The following PCYT1B variants were observed in gnomAD, a reference collection of about 807,000 sequenced individuals.
The protein encoded by PCYT1B is choline-phosphate cytidylyltransferase B.
In PCYT1B, 10 loss-of-function variants were observed where a neutral mutation model predicts 26.4. That is an observed-to-expected ratio of 0.38 (90% CI 0.23 to 0.64). The LOEUF is 0.64. PCYT1B is among the 30% of genes least tolerant of loss of function. The pLI is 0.56. For missense variants in PCYT1B, 161 were observed against 292.7 expected (o/e 0.55, Z 3.28); for synonymous variants, 131 against 108.4 (o/e 1.21, Z -1.29).
chrX:24,596,722 T>TA (rs1465454997), intron 3 of PCYT1B, among the ~76,000 whole-genome samples: 2 of 111,272 alleles, frequency 1.8e-5, no homozygotes, highest in Non-Finnish European at 3.8e-5. Context: ...GGTCCTTTAA[T>TA]AAATGATTTC....
intron 5 of PCYT1B, among the ~76,000 whole-genome samples, chrX:24,584,996 G>T (rs1421173537): frequency 1.8e-5 from 2 of 111,993 alleles, no homozygotes; most frequent in African/African-American, 6.5e-5. Flanking sequence ...TAGACTCAGG[G>T]TACAGAATGT....
At chrX:24,625,766 G>C (rs1337692746) in intron 1 of PCYT1B, among the ~76,000 whole-genome samples, 1 of 99,244 alleles carries the variant, frequency 1.0e-5, no homozygotes, top group African/African-American at 3.7e-5. Flanking sequence ...ATAGTAAAAA[G>C]AGAGAGAAGG....
intron 1 of PCYT1B, among the ~76,000 whole-genome samples, chrX:24,622,754 G>A (rs1287740095): frequency 8.9e-6 from 1 of 112,178 alleles, no homozygotes; most frequent in African/African-American, 3.2e-5. Flanking sequence ...AACAGCAGTG[G>A]TAGATCCCTC....
intron 1 of PCYT1B, among the ~76,000 whole-genome samples, chrX:24,667,217 A>G (rs1032248506): frequency 4.5e-5 from 5 of 110,859 alleles, no homozygotes; most frequent in African/African-American, 1.6e-4. Flanking sequence ...CTATCAGCAG[A>G]GCAGCCTATG....
At chrX:24,579,612 A>G (rs1464662116) in intron 5 of PCYT1B, among the ~76,000 whole-genome samples, 154 bp from the exon 6 acceptor site, 2 of 110,846 alleles carry the variant, frequency 1.8e-5, no homozygotes, top group African/African-American at 6.6e-5. Context: ...TTCCACCCTC[A>G]GTTCCGTGGA....
chrX:24,671,463 G>A (rs1403188787), intron 1 of PCYT1B, among the ~76,000 whole-genome samples: 3 of 111,162 alleles, frequency 2.7e-5, no homozygotes, highest in Non-Finnish European at 5.6e-5. Flanking sequence ...ATAACATGGA[G>A]GTGACTGGGG....
chrX:24,664,830 C>T (rs758691735), intron 1 of PCYT1B, among the ~76,000 whole-genome samples: 15 of 111,641 alleles, frequency 1.3e-4, no homozygotes, highest in East Asian at 2.8e-4. Context: ...TGGTGGCGCA[C>T]GCCTGTGGTC....
At chrX:24,581,651 G>A (rs1924210212) in intron 5 of PCYT1B, among the ~76,000 whole-genome samples, 1 of 112,296 alleles carries the variant, frequency 8.9e-6, no homozygotes, top group Admixed American at 9.4e-5. Flanking sequence ...CTGTCTTGTT[G>A]ACTATAAGCT....
At chrX:24,564,988 G>A (rs1923574515) in intron 7 of PCYT1B, among the ~76,000 whole-genome samples, 1 of 110,102 alleles carries the variant, frequency 9.1e-6, no homozygotes, top group African/African-American at 3.3e-5. Context: ...CCCAGTTTGG[G>A]GAAGACTGTG....
chrX:24,621,888 T>A lies in PCYT1B; in HGVS notation c.118-2804A>T, dbSNP rs959385868. 3 of 687,289 alleles carry A rather than the reference T, an allele frequency of 4.4e-6. No individual in the cohort carries two copies. The African/African-American group carries it at 7.1e-5, about 16-fold the overall frequency. The allele number at this position is 687,289 out of a possible 1,213,427, so 56.6% of individuals were successfully genotyped here. On this transcript the variant is annotated intron_variant, in intron 1 of 7. Coordinates refer to ENST00000379144, the MANE Select transcript of PCYT1B (RefSeq NM_004845.5). ...GTGTTCTTGATGGTGTGAAATCTGG[T>A]AATTAAAACAGAGATAGGGAACGTT...
chrX:24,670,058 A>G (rs184624376), intron 1 of PCYT1B, among the ~76,000 whole-genome samples: 196 of 51,889 alleles, frequency 3.8e-3, no homozygotes, highest in South Asian at 6.1e-3. Context: ...AAAAGAAAGA[A>G]AGAAAGAAAG....
chrX:24,597,424 A>G (rs1924823965), intron 3 of PCYT1B, among the ~76,000 whole-genome samples: 3 of 112,210 alleles, frequency 2.7e-5, no homozygotes, highest in Admixed American at 1.9e-4. Context: ...ACCCAGCCAC[A>G]TAGACTTTTC....
Position 24,637,509 on chromosome X carries a change from T to TATATAAATAA in PCYT1B, c.117+9479_117+9480insTTATTTATAT, listed in dbSNP as rs779316769. The stretch of plus-strand genomic sequence containing the variant: ...AAAAAAAAATATATATATATATATA[T>TATATAAATAA]ATAAATTAGCTGAGCGTGGTGGCGT... On this transcript the variant is annotated intron_variant, in intron 1 of 7. Transcript: ENST00000379144. 3.4e-4 allele frequency among the ~76,000 whole-genome samples: 22 copies of TATATAAATAA among 64,066 alleles called. 2 individuals are homozygous for TATATAAATAA. The highest frequency in any genetic ancestry group is 2.1e-3 in the African/African-American group (21 of 10,139). The allele number at this position is 64,066 out of a possible 115,157, so 55.6% of individuals were successfully genotyped here. A position where few individuals can be genotyped will look rare whatever the true frequency, so the allele number is the denominator to read the frequency against.
chrX:24,578,913 C>T (rs1379150490), intron 6 of PCYT1B, among the ~76,000 whole-genome samples: 1 of 111,532 alleles, frequency 9.0e-6, no homozygotes, highest in Non-Finnish European at 1.9e-5. Context: ...CCTGTAGATA[C>T]TGGTTTTGTC....
At chrX:24,620,393 G>T (rs1389879283) in intron 1 of PCYT1B, among the ~76,000 whole-genome samples, 1 of 111,373 alleles carries the variant, frequency 9.0e-6, no homozygotes, top group Non-Finnish European at 1.9e-5. Context: ...TTGTCTGGAG[G>T]CCTCCCAGTT....
Position 24,573,819 on chromosome X carries a change from A to G in PCYT1B, c.897+1311T>C, listed in dbSNP as rs182478443. 5.0e-4 allele frequency among the ~76,000 whole-genome samples: 55 copies of G among 111,100 alleles called. 1 individual carries two copies. Among genetic ancestry groups the G allele is most frequent in the Middle Eastern group, 9.3e-3 (2 of 215 alleles). ...TTTAACAGGCCTGGGGAAAATGAAA[A>G]GGAGCCCAGCCCTTGGCTCCTCCAC... On this transcript the variant is annotated intron_variant, in intron 7 of 7. Coordinates refer to ENST00000379144, the MANE Select transcript of PCYT1B (RefSeq NM_004845.5).
chrX:24,597,899 A>T (rs1008615705), intron 3 of PCYT1B, among the ~76,000 whole-genome samples: 4 of 112,505 alleles, frequency 3.6e-5, no homozygotes, highest in African/African-American at 1.3e-4. Flanking sequence ...AGTGAATTCT[A>T]AAAAAATGGC....
intron 1 of PCYT1B, among the ~76,000 whole-genome samples, chrX:24,663,129 T>C (rs909918848): frequency 2.7e-5 from 3 of 112,309 alleles, no homozygotes; most frequent in Non-Finnish European, 5.6e-5. Context: ...TAATATCTTG[T>C]CTAATTTTGT....
chrX:24,630,387 C>A (rs376450312), intron 1 of PCYT1B, among the ~76,000 whole-genome samples: 225 of 111,504 alleles, frequency 2.0e-3, no homozygotes, highest in African/African-American at 6.5e-3. Flanking sequence ...CCTCCACCCC[C>A]TGAGTTCACG....
Sources: gnomAD v4.1 joint callset for allele counts (sites outside exome capture counted in the v4.1 genomes callset) on GRCh38, gnomAD v4.1.1 for gene constraint, MANE v1.5 for transcripts, NCBI Gene and HGNC (gene_info 2026-07-23, HGNC 2026-07-21) for gene names.